NCKAP5: variants seen among roughly 807,000 people sequenced by gnomAD.
The protein encoded by NCKAP5 is nck-associated protein 5.
In NCKAP5, 92 loss-of-function variants were observed where a neutral mutation model predicts 167.0. That is an observed-to-expected ratio of 0.55 (90% CI 0.47 to 0.66). The LOEUF (loss-of-function observed/expected upper bound fraction) is 0.66, where lower values mean the gene tolerates loss of function less well. Ranked by LOEUF, NCKAP5 falls within the 30% of genes least tolerant of loss-of-function variation. NCKAP5 has a pLI of 0.00. For missense variants in NCKAP5, 2,378 were observed against 2,315.0 expected, an observed-to-expected ratio of 1.03 and a Z score of -0.56; for synonymous variants, 891 against 877.4, an observed-to-expected ratio of 1.02 and a Z score of -0.27.
At chr2:133,130,142 G>C in intron 5 of NCKAP5, 31 bp from the exon 6 acceptor site, 1 of 1,586,274 alleles carries the variant, frequency 6.3e-7, no homozygotes, top group Non-Finnish European at 8.5e-7. Context: ...ATGACTTTTA[G>C]GAAGGTGTTT....
rs777414340 is a variant in NCKAP5, at chr2:132,785,223, G to T, written c.1588C>A (p.Pro530Thr). 46 of 1,572,214 alleles carry T rather than the reference G, an allele frequency of 2.9e-5. No homozygotes were observed. The highest frequency in any genetic ancestry group is 3.8e-5 in the Non-Finnish European group (44 of 1,160,798). ...HFLEGTSSVY[P>T]KERPEKLTSC... ...GTCAGCTTTTCAGGCCTTTCCTTGG[G>T]ATAAACTGAGGATGTGCCTTCCAGA... The change falls in exon 14 of 20, where the codon CCC (proline) becomes ACC (threonine). Residue 530 changes from proline (P) to threonine (T), a missense_variant. Coordinates refer to ENST00000409261, the MANE Select transcript of NCKAP5 (RefSeq NM_207363.3).
intron 19 of NCKAP5, among the ~76,000 whole-genome samples, chr2:132,677,141 A>G (rs75634780): frequency 0.024 from 3,599 of 152,222 alleles, 141 homozygotes; most frequent in African/African-American, 0.081. Flanking sequence ...CTTCATCAGA[A>G]TTATGATAAA....
At chr2:132,951,997 C>T (rs1266813536) in intron 8 of NCKAP5, among the ~76,000 whole-genome samples, 1 of 152,162 alleles carries the variant, frequency 6.6e-6, no homozygotes, top group Non-Finnish European at 1.5e-5. Flanking sequence ...ATATACTAGG[C>T]TTTAACTTAC....
At chr2:133,148,208 A>C (rs2083267636) in intron 5 of NCKAP5, among the ~76,000 whole-genome samples, 1 of 152,126 alleles carries the variant, frequency 6.6e-6, no homozygotes, top group Admixed American at 6.6e-5. Flanking sequence ...AATGGTTTAT[A>C]GGGTTACGGG....
chr2:133,668,633 T>C, the NCKAP5 span, among the ~76,000 whole-genome samples: 1 of 150,892 alleles, frequency 6.6e-6, no homozygotes, highest in Non-Finnish European at 1.5e-5. Context: ...TTTAACTGGT[T>C]TACTTGTCTT....
At chr2:133,081,809 G>A (rs1328369777) in intron 6 of NCKAP5, among the ~76,000 whole-genome samples, 1 of 152,090 alleles carries the variant, frequency 6.6e-6, no homozygotes, top group Non-Finnish European at 1.5e-5. Context: ...TTCATTCCAA[G>A]GTAGTAACAA....
chr2:133,203,459 C>A (rs996682350), intron 5 of NCKAP5, among the ~76,000 whole-genome samples: 26 of 152,038 alleles, frequency 1.7e-4, no homozygotes, highest in African/African-American at 6.0e-4. Context: ...TTAATAGGTG[C>A]AGCACACCAA....
At chr2:133,021,815 G>A (rs1213761907) in intron 6 of NCKAP5, among the ~76,000 whole-genome samples, 1 of 152,088 alleles carries the variant, frequency 6.6e-6, no homozygotes, top group Non-Finnish European at 1.5e-5. Flanking sequence ...TATTTTAGTA[G>A]AGACGAGGTT....
the NCKAP5 span, among the ~76,000 whole-genome samples, chr2:133,591,005 GTT>G: frequency 6.6e-6 from 1 of 152,110 alleles, no homozygotes; most frequent in African/African-American, 2.4e-5. Context: ...CGGGTTGTGT[GTT>G]TGTGTGAGTA....
chr2:132,797,380 C>T (rs1443355346), intron 11 of NCKAP5, among the ~76,000 whole-genome samples: 1 of 152,160 alleles, frequency 6.6e-6, no homozygotes, highest in Non-Finnish European at 1.5e-5. Flanking sequence ...AAGCCAGAGA[C>T]ATTTCACTGT....
chr2:133,094,201 G>C (rs2081277083), intron 6 of NCKAP5, among the ~76,000 whole-genome samples: 1 of 152,194 alleles, frequency 6.6e-6, no homozygotes, highest in African/African-American at 2.4e-5. Context: ...GACTGGCACT[G>C]TGAAAGTGAG....
chr2:133,441,384 A>G (rs149387243), intron 3 of NCKAP5, among the ~76,000 whole-genome samples: 149 of 152,342 alleles, frequency 9.8e-4, no homozygotes, highest in African/African-American at 3.5e-3. Context: ...ACTCAGAATC[A>G]TGCATTGAAC....
the NCKAP5 span, among the ~76,000 whole-genome samples, chr2:133,659,615 A>G: frequency 6.6e-6 from 1 of 152,228 alleles, no homozygotes; most frequent in Non-Finnish European, 1.5e-5. Flanking sequence ...AGGGCTTAGT[A>G]TTCAGAATAT....
intron 5 of NCKAP5, among the ~76,000 whole-genome samples, chr2:133,168,026 C>T (rs891920956): frequency 3.3e-5 from 5 of 152,170 alleles, no homozygotes; most frequent in South Asian, 2.1e-4. Context: ...CTATTTTAAG[C>T]GCTTTATATG....
At chr2:133,650,365 C>A in the NCKAP5 span, among the ~76,000 whole-genome samples, 16 of 152,068 alleles carry the variant, frequency 1.1e-4, no homozygotes, top group Non-Finnish European at 2.4e-4. Context: ...AAAATACAAT[C>A]AAAATACTCA....
chr2:133,505,833 T>A (rs1175713557), intron 3 of NCKAP5, among the ~76,000 whole-genome samples: 2 of 152,262 alleles, frequency 1.3e-5, no homozygotes, highest in Admixed American at 6.5e-5. Context: ...CTGCTACTTC[T>A]ATATTTGATA....
intron 8 of NCKAP5, among the ~76,000 whole-genome samples, chr2:132,962,428 C>T (rs977663656): frequency 2.6e-5 from 4 of 151,876 alleles, no homozygotes; most frequent in Admixed American, 6.6e-5. Flanking sequence ...TCAAATCAAA[C>T]CCCAAGAATT....
intron 3 of NCKAP5, among the ~76,000 whole-genome samples, chr2:133,513,665 G>A (rs888465881): frequency 6.6e-6 from 1 of 152,160 alleles, no homozygotes; most frequent in Non-Finnish European, 1.5e-5. Flanking sequence ...AGGGATGTGT[G>A]CACGTCCTTT....
intron 16 of NCKAP5, among the ~76,000 whole-genome samples, chr2:132,750,208 T>C (rs1007385495): frequency 3.9e-5 from 6 of 152,168 alleles, no homozygotes; most frequent in African/African-American, 1.4e-4. Context: ...GTTTGAAACA[T>C]GCAAAGTTGT....
Sources: allele counts gnomAD v4.1 joint callset (sites outside exome capture counted in the v4.1 genomes callset), GRCh38; gene constraint gnomAD v4.1.1; transcripts MANE v1.5; gene names NCBI Gene and HGNC (gene_info 2026-07-23, HGNC 2026-07-21).